Variants in MYOF observed in about 807,000 individuals in gnomAD.
The protein encoded by MYOF is fer-1-like 3, myoferlin.
In MYOF, 244 loss-of-function variants were observed where a neutral mutation model predicts 284.2. The ratio of observed to expected loss-of-function variants is 0.86; its 90% confidence interval spans 0.77 to 0.95. MYOF has a LOEUF of 0.95. MYOF is among the 40% of genes least tolerant of loss of function. MYOF has a pLI of 0.00. For missense variants in MYOF, 2,496 were observed against 2,560.6 expected (o/e 0.97, Z 0.54); for synonymous variants, 904 against 919.7 (o/e 0.98, Z 0.31).
chr10:93,369,058 C>T (rs10509655), intron 25 of MYOF, among the ~76,000 whole-genome samples: 7,370 of 144,630 alleles, frequency 0.051, 272 homozygotes, highest in Middle Eastern at 0.094. Flanking sequence ...GGATTTTAAG[C>T]TCAGTGAAGG....
At chr10:93,347,807 A>G in intron 36 of MYOF, 25 bp from the exon 37 acceptor site, 1 of 1,602,292 alleles carries the variant, frequency 6.2e-7, no homozygotes, top group Non-Finnish European at 8.5e-7. Context: ...GGTAGGTTTC[A>G]TTTCTCAAGA....
At chr10:93,375,073 A>G in intron 22 of MYOF, 118 bp from the exon 23 acceptor site, 3 of 997,796 alleles carry the variant, frequency 3.0e-6, no homozygotes, top group Non-Finnish European at 4.3e-6. Context: ...TCAACCTCCT[A>G]ACTGAATCTA....
chr10:93,374,943 A>G lies in MYOF; in HGVS notation c.2121T>C (p.Pro707=). The change falls in exon 23 of 54, where the codon CCT becomes CCC. Residue 707 remains proline (P), a synonymous_variant. Coordinates refer to ENST00000359263, the MANE Select transcript of MYOF (RefSeq NM_013451.4). ...EVIEDTRYTL[P]LTEGKANVTV... The stretch of plus-strand genomic sequence containing the variant: ...TGACGTTGGCTTTTCCTTCTGTGAG[A>G]GGCAACGTGTATCTAGAAAAATGAA... 1.2e-6 allele frequency: 2 copies of G among 1,611,482 alleles called. No individual in the cohort carries two copies. The highest frequency in any genetic ancestry group is 1.7e-6 in the Non-Finnish European group (2 of 1,179,360).
At chr10:93,380,626 C>A (rs1846068255) in intron 20 of MYOF, among the ~76,000 whole-genome samples, 1 of 152,170 alleles carries the variant, frequency 6.6e-6, no homozygotes, top group Non-Finnish European at 1.5e-5. Context: ...TCATACTTTG[C>A]TTTCTATTAT....
At chr10:93,451,004 T>C (rs186213286) in intron 3 of MYOF, among the ~76,000 whole-genome samples, 90 of 152,266 alleles carry the variant, frequency 5.9e-4, no homozygotes, top group African/African-American at 2.0e-3. Context: ...ACTAGGCAAT[T>C]GACTTCCACC....
chr10:93,362,925 T>G (rs754856149), intron 27 of MYOF, among the ~76,000 whole-genome samples: 10 of 152,136 alleles, frequency 6.6e-5, no homozygotes, highest in Non-Finnish European at 1.3e-4. Context: ...ACCAACCAAA[T>G]GCAAGGATCT....
intron 3 of MYOF, among the ~76,000 whole-genome samples, chr10:93,443,046 C>T (rs2056317658): frequency 6.6e-6 from 1 of 152,068 alleles, no homozygotes; most frequent in Admixed American, 6.6e-5. Context: ...CCTGTAATTC[C>T]AGCTACTCCA....
intron 37 of MYOF, among the ~76,000 whole-genome samples, chr10:93,344,750 A>G (rs953670724): frequency 2.0e-5 from 3 of 148,996 alleles, no homozygotes; most frequent in African/African-American, 7.6e-5. Context: ...AAAAAAAAAA[A>G]AAGAAGGGAA....
chr10:93,363,628 T>C (rs1237126731), intron 27 of MYOF, among the ~76,000 whole-genome samples: 1 of 152,222 alleles, frequency 6.6e-6, no homozygotes, highest in Non-Finnish European at 1.5e-5. Flanking sequence ...ATCGCACCAC[T>C]GCGTTCCAGC....
chr10:93,412,860 C>G (rs983534485), intron 5 of MYOF, among the ~76,000 whole-genome samples: 1 of 152,186 alleles, frequency 6.6e-6, no homozygotes, highest in Non-Finnish European at 1.5e-5. Flanking sequence ...GGGTGCTCCT[C>G]CCAACCTTGG....
chr10:93,341,495 G>A (rs1220899567), intron 38 of MYOF, among the ~76,000 whole-genome samples: 2 of 151,898 alleles, frequency 1.3e-5, no homozygotes, highest in African/African-American at 2.4e-5. Context: ...CAGGCTGGTC[G>A]CAAACTCCTG....
At chr10:93,381,492 A>C in intron 19 of MYOF, 96 bp from the exon 20 acceptor site, 1 of 1,245,008 alleles carries the variant, frequency 8.0e-7, no homozygotes. Context: ...CCTAATAATT[A>C]GTGCTGAATT....
chr10:93,329,677 C>A lies in MYOF; in HGVS notation c.4969G>T (p.Glu1657Ter). ...SRFGSHCGIP[E>*]EYCVSGVNTW... ...AAAGCAACTTACACACAGTACTCCT[C>A]TGGTATGCCGCAGTGGGACCCAAAG... The change falls in exon 44 of 54, where the codon GAG becomes TAG. Residue 1657 changes from glutamate (E) to a stop codon, truncating the protein, a stop_gained. Coordinates refer to ENST00000359263, the MANE Select transcript of MYOF (RefSeq NM_013451.4). LOFTEE classifies it high-confidence loss of function. 1 of 1,614,080 alleles carries A rather than the reference C, an allele frequency of 6.2e-7. No homozygotes were observed. The highest frequency in any genetic ancestry group is 1.1e-5 in the South Asian group (1 of 91,072).
intron 19 of MYOF, among the ~76,000 whole-genome samples, chr10:93,387,090 C>T (rs1489572051): frequency 6.6e-6 from 1 of 152,152 alleles, no homozygotes. Flanking sequence ...ACTGTATTTT[C>T]GTATTCTTAT....
intron 17 of MYOF, among the ~76,000 whole-genome samples, chr10:93,389,523 A>C (rs1434346175): frequency 6.6e-6 from 1 of 152,264 alleles, no homozygotes; most frequent in Non-Finnish European, 1.5e-5. Flanking sequence ...GAAGTCACTT[A>C]AATGACATAT....
chr10:93,434,677 A>G (rs775418642), intron 3 of MYOF, among the ~76,000 whole-genome samples: 31 of 152,172 alleles, frequency 2.0e-4, no homozygotes, highest in Non-Finnish European at 3.2e-4. Context: ...TTTTTTTCTC[A>G]AAACAATAAA....
chr10:93,363,897 G>A (rs1227994823), intron 27 of MYOF, 64 bp downstream of exon 27: 3 of 1,472,626 alleles, frequency 2.0e-6, no homozygotes, highest in Non-Finnish European at 2.8e-6. Flanking sequence ...GTGGCTGCTG[G>A]GTTCCCCGCA....
Position 93,364,085 on chromosome 10 carries a change from G to C in MYOF, c.2754-10C>G. ...TGCCTCAGTCAGCAAGCTGTGGGGCGGGGAGGGCTCAAGTTACCCAAGGAG... is the reference window on the plus strand; with the variant it reads ...TGCCTCAGTCAGCAAGCTGTGGGGCCGGGAGGGCTCAAGTTACCCAAGGAG... On this transcript the variant is annotated splice_polypyrimidine_tract_variant and intron_variant, in intron 26 of 53. Coordinates refer to ENST00000359263, the MANE Select transcript of MYOF (RefSeq NM_013451.4). The C allele has an allele frequency of 6.2e-7, 1 of 1,612,274 alleles. No homozygotes were observed. The highest frequency in any genetic ancestry group is 1.7e-5 in the Admixed American group (1 of 59,956).
chr10:93,353,179 T>C (rs565209630), intron 32 of MYOF, among the ~76,000 whole-genome samples: 48 of 152,296 alleles, frequency 3.2e-4, no homozygotes, highest in African/African-American at 1.2e-3. Flanking sequence ...GAACTATCCA[T>C]GGTTCAGCGG....
Sources: gnomAD v4.1 joint callset for allele counts (sites outside exome capture counted in the v4.1 genomes callset) on GRCh38, gnomAD v4.1.1 for gene constraint, MANE v1.5 for transcripts, NCBI Gene and HGNC (gene_info 2026-07-23, HGNC 2026-07-21) for gene names.